The following CFAP61 variants were observed in gnomAD, a reference collection of about 807,000 sequenced individuals.
CFAP61 encodes the protein cilia and flagella associated protein 61, also known as cilia- and flagella-associated protein 61.
In CFAP61, 107 loss-of-function variants were observed where a neutral mutation model predicts 135.6. That is an observed-to-expected ratio of 0.79 (90% CI 0.67 to 0.93). CFAP61 has a LOEUF of 0.93. Among genes scored for constraint, CFAP61 ranks in the 40% least tolerant of loss-of-function variants. The probability of loss-of-function intolerance (pLI) is 0.00; values close to 1 mark genes in which losing one functional copy is unlikely to be tolerated. For missense variants in CFAP61, 1,507 were observed against 1,556.2 expected (o/e 0.97, Z 0.53); for synonymous variants, 575 against 578.5 (o/e 0.99, Z 0.09).
chr20:20,240,749 G>GA (rs1230876254), intron 18 of CFAP61, among the ~76,000 whole-genome samples: 1 of 152,088 alleles, frequency 6.6e-6, no homozygotes, highest in Non-Finnish European at 1.5e-5. Context: ...TGTTTTCTTT[G>GA]AAAAACTACA....
rs768015574 is a variant in CFAP61, at chr20:20,251,728, G to A, written c.2293G>A (p.Asp765Asn). ...VLSTDEIVPY[D>N]HLILCTGQQY... ...TTCCACGGACGAGATCGTGCCCTACGACCACCTCATCCTCTGCACCGGGCA... is the reference window on the plus strand; with the variant it reads ...TTCCACGGACGAGATCGTGCCCTACAACCACCTCATCCTCTGCACCGGGCA... Residue 765 changes from aspartate (D) to asparagine (N), a missense_variant, in exon 20 of 27, where the codon GAC becomes AAC. Transcript: ENST00000245957. 1.3e-5 allele frequency: 21 copies of A among 1,613,818 alleles called. No homozygotes were observed. Among genetic ancestry groups the A allele is most frequent in the Admixed American group, 1.7e-5 (1 of 60,008 alleles).
rs2057437889 is a variant in CFAP61, at chr20:20,320,480, TATATA to T, written c.3423-21345_3423-21341del. On this transcript the variant is annotated intron_variant, in intron 25 of 26. Coordinates refer to ENST00000245957, the MANE Select transcript of CFAP61 (RefSeq NM_015585.4). ...TATATGTAATATATAATATATGTAA[TATATA>T]ATATATGTAATATATATTATATATG... is the stretch of plus-strand genomic sequence containing the variant. Among the ~76,000 whole-genome samples the T allele has an allele frequency of 1.5e-5, 2 of 130,038 alleles. 1 individual carries two copies. The highest frequency in any genetic ancestry group is 3.1e-5 in the Non-Finnish European group (2 of 65,080). The allele number at this position is 130,038 out of a possible 152,430, so 85.3% of individuals were successfully genotyped here.
chr20:20,313,761 T>C (rs760891424), intron 25 of CFAP61, among the ~76,000 whole-genome samples: 5 of 152,214 alleles, frequency 3.3e-5, no homozygotes, highest in Non-Finnish European at 7.3e-5. Flanking sequence ...ACGAGGTTTA[T>C]TGAGCTCACA....
chr20:20,332,322 G>A (rs1237961689), intron 25 of CFAP61, among the ~76,000 whole-genome samples: 2 of 152,302 alleles, frequency 1.3e-5, no homozygotes, highest in Middle Eastern at 3.4e-3. Context: ...AAACTGGTTC[G>A]CTCTGGCAAG....
intron 18 of CFAP61, among the ~76,000 whole-genome samples, chr20:20,244,752 C>G (rs1283738664): frequency 6.6e-6 from 1 of 152,218 alleles, no homozygotes; most frequent in Non-Finnish European, 1.5e-5. Flanking sequence ...ATGGGATTTT[C>G]TTTTCTATTG....
intron 19 of CFAP61, among the ~76,000 whole-genome samples, chr20:20,248,436 A>G (rs1190325504): frequency 6.6e-6 from 1 of 152,176 alleles, no homozygotes; most frequent in Non-Finnish European, 1.5e-5. Flanking sequence ...GTCGTTAACC[A>G]TTGTTTTAAT....
Position 20,288,683 on chromosome 20 carries a change from T to G in CFAP61, c.2871T>G (p.Tyr957Ter). 1.2e-6 allele frequency: 2 copies of G among 1,614,150 alleles called. No individual in the cohort carries two copies. The highest frequency in any genetic ancestry group is 1.7e-6 in the Non-Finnish European group (2 of 1,179,948). The change falls in exon 23 of 27, where the codon TAT becomes TAG. Residue 957 changes from tyrosine (Y) to a stop codon, truncating the protein, a stop_gained. Coordinates refer to ENST00000245957, the MANE Select transcript of CFAP61 (RefSeq NM_015585.4). LOFTEE classifies it high-confidence loss of function. The stretch of plus-strand genomic sequence containing the variant: ...CCCTCAATGATGCATGTCTTGTGTA[T>G]GACAGTCGACTTGTGATTGATACCA... ...FKALNDACLV[Y>*]DSRLVIDTNF...
intron 25 of CFAP61, among the ~76,000 whole-genome samples, chr20:20,312,253 C>T (rs1033728328): frequency 6.6e-6 from 1 of 152,102 alleles, no homozygotes; most frequent in Non-Finnish European, 1.5e-5. Context: ...TATGTTGAAA[C>T]AGCTATTATA....
At chr20:20,155,582 A>G (rs1322747076) in intron 9 of CFAP61, among the ~76,000 whole-genome samples, 1 of 152,174 alleles carries the variant, frequency 6.6e-6, no homozygotes, top group Non-Finnish European at 1.5e-5. Context: ...GAAAGAAACA[A>G]ATAATCCCAT....
chr20:20,221,481 T>C (rs1255914245), intron 17 of CFAP61, among the ~76,000 whole-genome samples: 1 of 152,180 alleles, frequency 6.6e-6, no homozygotes, highest in Admixed American at 6.5e-5. Context: ...TTATGTACTA[T>C]TAAGAAAAAA....
Position 20,360,490 on chromosome 20 carries a change from T to G in CFAP61, c.*80T>G. The G allele has an allele frequency of 1.5e-6, 2 of 1,354,212 alleles. No homozygotes were observed. Among genetic ancestry groups the G allele is most frequent in the Non-Finnish European group, 2.1e-6 (2 of 966,924 alleles). The allele number at this position is 1,354,212 out of a possible 1,614,324, so 83.9% of individuals were successfully genotyped here. A position where few individuals can be genotyped will look rare whatever the true frequency, so the allele number is the denominator to read the frequency against. On this transcript the variant is annotated 3_prime_UTR_variant, in exon 27 of 27. Coordinates refer to ENST00000245957, the MANE Select transcript of CFAP61 (RefSeq NM_015585.4). ...GCTCTGTAGAAATAGAAAAGTTCTC[T>G]GCAGCCTGGTTTGACAGCGAAGCCA...
At chr20:20,296,331 CCTTCCTTCCTTG>C (rs1171939853) in intron 24 of CFAP61, among the ~76,000 whole-genome samples, 1 of 18,448 alleles carries the variant, frequency 5.4e-5, no homozygotes, top group Non-Finnish European at 1.4e-4. Flanking sequence ...TCCTTCCCTT[CCTTCCTTCCTTG>C]CTTCCTTCCT....
At chr20:20,300,737 G>T (rs932361773) in intron 25 of CFAP61, among the ~76,000 whole-genome samples, 9 of 151,748 alleles carry the variant, frequency 5.9e-5, no homozygotes, top group African/African-American at 2.2e-4. Context: ...TCCCAAGTAG[G>T]TGGGATTACA....
At chr20:20,052,850 G>C in intron 1 of CFAP61, 2 of 858,986 alleles carry the variant, frequency 2.3e-6, no homozygotes, top group Non-Finnish European at 3.6e-6. Flanking sequence ...GCAATGCCTC[G>C]AGCATTGCAT....
intron 25 of CFAP61, among the ~76,000 whole-genome samples, chr20:20,327,777 CAAAAAAAAAAAAAAAAAA>C (rs60171844): frequency 5.0e-5 from 3 of 60,344 alleles, no homozygotes; most frequent in Non-Finnish European, 9.2e-5. Context: ...AAGAGCCTGT[CAAAAAAAAAAAAAAAAAA>C]AAAAAAAAAA....
chr20:20,162,986 A>G (rs2328499), intron 10 of CFAP61, among the ~76,000 whole-genome samples: 31,355 of 152,132 alleles, frequency 0.21, 3,588 homozygotes, highest in African/African-American at 0.29. Flanking sequence ...CACTGCATCA[A>G]TATTGAATAG....
intron 4 of CFAP61, 39 bp downstream of exon 4, chr20:20,074,417 G>T (rs1023462075): frequency 1.3e-6 from 2 of 1,508,976 alleles, no homozygotes; most frequent in African/African-American, 1.4e-5. Context: ...ACATGAAAGA[G>T]ACTGTGTGGA....
chr20:20,128,305 G>A (rs1329893782), intron 8 of CFAP61, among the ~76,000 whole-genome samples: 2 of 151,796 alleles, frequency 1.3e-5, no homozygotes, highest in South Asian at 2.1e-4. Flanking sequence ...ATGGATCCCT[G>A]TGGTGCCAGG....
At chr20:20,193,965 T>A (rs1308955050) in intron 15 of CFAP61, among the ~76,000 whole-genome samples, 1 of 152,186 alleles carries the variant, frequency 6.6e-6, no homozygotes, top group Non-Finnish European at 1.5e-5. Context: ...CCAATGTCAT[T>A]GATAAAATAT....
Sources: allele counts gnomAD v4.1 joint callset (sites outside exome capture counted in the v4.1 genomes callset), GRCh38; gene constraint gnomAD v4.1.1; transcripts MANE v1.5; gene names NCBI Gene and HGNC (gene_info 2026-07-23, HGNC 2026-07-21).